Variants in SNTG2 observed in about 807,000 individuals in gnomAD.
SNTG2 encodes syntrophin gamma 2.
A neutral mutation model predicts 70.9 loss-of-function variants in SNTG2; 74 were observed. That is an observed-to-expected ratio of 1.04 (90% CI 0.86 to 1.27). The LOEUF (loss-of-function observed/expected upper bound fraction) is 1.27. Ranked by LOEUF, SNTG2 falls within the 50% of genes most tolerant of loss-of-function variation. The probability of loss-of-function intolerance (pLI) is 0.00; values close to 1 mark genes in which losing one functional copy is unlikely to be tolerated. For missense variants in SNTG2, 717 were observed against 690.7 expected, an observed-to-expected ratio of 1.04 and a Z score of -0.43; for synonymous variants, 278 against 273.8, an observed-to-expected ratio of 1.02 and a Z score of -0.15.
At chr2:1,228,375 G>A (rs576713432) in intron 9 of SNTG2, among the ~76,000 whole-genome samples, 53 of 152,274 alleles carry the variant, frequency 3.5e-4, no homozygotes, top group Non-Finnish European at 6.8e-4. Context: ...GGGGAGGAGC[G>A]CCTCTCTCTC....
intron 1 of SNTG2, among the ~76,000 whole-genome samples, chr2:981,856 C>T (rs186876444): frequency 6.3e-4 from 96 of 152,312 alleles, no homozygotes; most frequent in African/African-American, 2.2e-3. Context: ...TGAACACACA[C>T]GTCCACACAG....
At chr2:1,075,541 A>C (rs1663860909) in intron 1 of SNTG2, among the ~76,000 whole-genome samples, 1 of 152,158 alleles carries the variant, frequency 6.6e-6, no homozygotes, top group Non-Finnish European at 1.5e-5. Flanking sequence ...CTTTCATTTA[A>C]CCTTCCAAGG....
intron 14 of SNTG2, among the ~76,000 whole-genome samples, chr2:1,284,188 A>G (rs1422492782): frequency 6.6e-6 from 1 of 152,158 alleles, no homozygotes; most frequent in Non-Finnish European, 1.5e-5. Context: ...GCTGGTGGTA[A>G]TGTTTCTATT....
intron 9 of SNTG2, among the ~76,000 whole-genome samples, chr2:1,221,441 C>A (rs1005221685): frequency 7.1e-6 from 1 of 141,040 alleles, no homozygotes; most frequent in East Asian, 2.2e-4. Flanking sequence ...CTCTCTGTCT[C>A]TGTCTCTGTC....
chr2:1,018,029 T>G (rs993977530), intron 1 of SNTG2, among the ~76,000 whole-genome samples: 3 of 152,200 alleles, frequency 2.0e-5, no homozygotes, highest in Admixed American at 6.5e-5. Flanking sequence ...ATTTCGTGCA[T>G]GTATCTGGCA....
intron 14 of SNTG2, among the ~76,000 whole-genome samples, chr2:1,299,019 G>T (rs1680336143): frequency 6.6e-6 from 1 of 152,086 alleles, no homozygotes; most frequent in Admixed American, 6.5e-5. Context: ...GGCCTATTGT[G>T]GGACCCTGTG....
chr2:1,239,906 A>G (rs1676938836), intron 11 of SNTG2, 130 bp downstream of exon 11: 3 of 1,140,282 alleles, frequency 2.6e-6, no homozygotes, highest in Non-Finnish European at 3.8e-6. Flanking sequence ...TGTTGATAGG[A>G]AAACATTAGC....
chr2:1,194,133 T>C (rs893946515), intron 8 of SNTG2, among the ~76,000 whole-genome samples: 1 of 152,230 alleles, frequency 6.6e-6, no homozygotes, highest in Non-Finnish European at 1.5e-5. Context: ...GTTTCCACTT[T>C]TCATTTTTTA....
intron 8 of SNTG2, among the ~76,000 whole-genome samples, chr2:1,203,196 T>A (rs1230308100): frequency 6.6e-6 from 1 of 152,130 alleles, no homozygotes; most frequent in Non-Finnish European, 1.5e-5. Context: ...CTAAAAAGAT[T>A]TATACAAAAC....
chr2:1,244,082 G>A (rs1340514413), intron 11 of SNTG2, among the ~76,000 whole-genome samples: 1 of 152,184 alleles, frequency 6.6e-6, no homozygotes, highest in African/African-American at 2.4e-5. Context: ...AACCAGCAGA[G>A]TTTGCCCTGC....
intron 1 of SNTG2, among the ~76,000 whole-genome samples, chr2:1,050,689 A>G (rs1012866777): frequency 3.3e-5 from 5 of 152,238 alleles, no homozygotes; most frequent in African/African-American, 1.2e-4. Flanking sequence ...ATGAATTTTT[A>G]TGACTTATTC....
At chr2:1,015,646 T>C (rs1355886722) in intron 1 of SNTG2, among the ~76,000 whole-genome samples, 1 of 152,238 alleles carries the variant, frequency 6.6e-6, no homozygotes, top group Non-Finnish European at 1.5e-5. Flanking sequence ...GGATGTCTTC[T>C]TCCCAGCTAG....
chr2:1,194,182 C>T (rs1377626332), intron 8 of SNTG2, among the ~76,000 whole-genome samples: 1 of 152,136 alleles, frequency 6.6e-6, no homozygotes, highest in East Asian at 1.9e-4. Context: ...CTGTAACTCC[C>T]AGAGAGTTAG....
chr2:1,147,906 C>A (rs757214998), intron 6 of SNTG2, among the ~76,000 whole-genome samples: 30 of 152,318 alleles, frequency 2.0e-4, no homozygotes, highest in Middle Eastern at 3.4e-3. Flanking sequence ...ATGCAATTTT[C>A]AGAGGCAGTT....
intron 14 of SNTG2, among the ~76,000 whole-genome samples, chr2:1,279,979 G>T (rs758788909): frequency 1.3e-5 from 2 of 152,144 alleles, no homozygotes; most frequent in Non-Finnish European, 2.9e-5. Context: ...GTATCTTTGC[G>T]TGATATTATA....
intron 15 of SNTG2, among the ~76,000 whole-genome samples, chr2:1,311,079 A>G (rs1572961967): frequency 6.6e-6 from 1 of 152,276 alleles, no homozygotes; most frequent in East Asian, 1.9e-4. Flanking sequence ...CATCTGGGCC[A>G]GCTCCAGCCC....
intron 9 of SNTG2, chr2:1,219,981 G>C (rs1045948904): frequency 7.9e-5 from 12 of 152,220 alleles, no homozygotes; most frequent in African/African-American, 2.9e-4. Flanking sequence ...AAGTGATACT[G>C]CAAGTCAGAA....
chr2:1,266,338 C>A (rs1271683604), intron 13 of SNTG2, among the ~76,000 whole-genome samples: 2 of 152,150 alleles, frequency 1.3e-5, no homozygotes, highest in Non-Finnish European at 2.9e-5. Flanking sequence ...TGGGGTGCAA[C>A]CTTGCAGATG....
chr2:1,021,015 T>TA (rs1660138937), intron 1 of SNTG2, among the ~76,000 whole-genome samples: 1 of 152,172 alleles, frequency 6.6e-6, no homozygotes, highest in Non-Finnish European at 1.5e-5. Context: ...TAGCTTTTCC[T>TA]CATCAACTAT....
Sources: allele counts gnomAD v4.1 joint callset (sites outside exome capture counted in the v4.1 genomes callset), GRCh38; gene constraint gnomAD v4.1.1; transcripts MANE v1.5; gene names NCBI Gene and HGNC (gene_info 2026-07-23, HGNC 2026-07-21).